Variants in STS observed in about 807,000 individuals in gnomAD.
The protein encoded by STS is steroid sulfatase.
In STS, 7 loss-of-function variants were observed where a neutral mutation model predicts 26.8. The ratio of observed to expected loss-of-function variants is 0.26; its 90% CI spans 0.15 to 0.49. The LOEUF is 0.49. STS is among the 20% of genes least tolerant of loss of function. The pLI, the probability that STS is intolerant of heterozygous loss-of-function variation, is 0.98. For synonymous variants in STS, 199 were observed against 189.4 expected, an observed-to-expected ratio of 1.05 and a Z score of -0.42; for missense variants, 434 against 465.6, an observed-to-expected ratio of 0.93 and a Z score of 0.63.
intron 2 of STS, among the ~76,000 whole-genome samples, chrX:7,234,534 G>T (rs139374827): frequency 0.041 from 4,644 of 112,034 alleles, 227 homozygotes; most frequent in African/African-American, 0.14. Flanking sequence ...ATATGGGAGA[G>T]TAGATGTTGG....
intron 2 of STS, chrX:7,252,476 A>C: frequency 7.2e-6 from 1 of 139,362 alleles, no homozygotes; most frequent in Non-Finnish European, 1.3e-5. Context: ...TCCGGTTCTA[A>C]ATGGAGAACC....
At chrX:7,201,270 TAGC>T (rs1163489397) in intron 2 of STS, among the ~76,000 whole-genome samples, 1 of 111,856 alleles carries the variant, frequency 8.9e-6, no homozygotes, top group African/African-American at 3.3e-5. Context: ...GATAGATAGA[TAGC>T]AGTTTCCATT....
At chrX:7,176,450 G>A (rs182999046) in intron 1 of STS, among the ~76,000 whole-genome samples, 121 of 111,967 alleles carry the variant, frequency 1.1e-3, no homozygotes, top group African/African-American at 3.6e-3. Flanking sequence ...TTTCCTTAGA[G>A]CATCCCAACC....
intron 8 of STS, among the ~76,000 whole-genome samples, chrX:7,320,152 A>T (rs900660000): frequency 2.1e-5 from 2 of 97,516 alleles, no homozygotes; most frequent in African/African-American, 7.4e-5. Context: ...ATATTTATAT[A>T]TTTTTTATTA....
chrX:7,257,401 T>C, intron 4 of STS, 38 bp downstream of exon 4: 1 of 1,212,021 alleles, frequency 8.3e-7, no homozygotes, highest in Non-Finnish European at 1.1e-6. Flanking sequence ...TGTGGTCACC[T>C]TCGGGACAGT....
At chrX:7,257,058 C>T (rs1923444865) in intron 3 of STS, among the ~76,000 whole-genome samples, 184 bp from the exon 4 acceptor site, 2 of 112,117 alleles carry the variant, frequency 1.8e-5, no homozygotes, top group South Asian at 7.4e-4. Context: ...TTGAGACCAG[C>T]CTGGCCAACA....
At chrX:7,324,353 G>C (rs1401926533) in intron 8 of STS, among the ~76,000 whole-genome samples, 1 of 110,644 alleles carries the variant, frequency 9.0e-6, no homozygotes, top group East Asian at 2.9e-4. Context: ...AGGCTTCAGA[G>C]AGAACAGATT....
intron 2 of STS, among the ~76,000 whole-genome samples, chrX:7,191,879 G>T (rs768535207): frequency 3.5e-5 from 4 of 112,849 alleles, no homozygotes; most frequent in Admixed American, 2.8e-4. Flanking sequence ...CCTGCAGGAA[G>T]AGCTCTTTTC....
At chrX:7,166,354 C>G in intron 1 of STS, among the ~76,000 whole-genome samples, 1 of 110,904 alleles carries the variant, frequency 9.0e-6, no homozygotes, top group Non-Finnish European at 1.9e-5. Flanking sequence ...TCTTTCAACC[C>G]TGTGAGGTAT....
chrX:7,257,056 A>G (rs1162408416), intron 3 of STS, among the ~76,000 whole-genome samples, 186 bp from the exon 4 acceptor site: 1 of 112,226 alleles, frequency 8.9e-6, no homozygotes, highest in Admixed American at 9.4e-5. Flanking sequence ...GTTTGAGACC[A>G]GCCTGGCCAA....
At chrX:7,240,517 GTGTGTGTGTGTGTGTGTATA>G (rs1922554571) in intron 2 of STS, among the ~76,000 whole-genome samples, 1 of 20,304 alleles carries the variant, frequency 4.9e-5, no homozygotes, top group Non-Finnish European at 1.0e-4. Context: ...GTGTGTGTGT[GTGTGTGTGTGTGTGTGTATA>G]TATATATATA....
rs189658122 is a variant in STS at position 7,301,501 on chromosome X, T to G, written c.944-3545T>G. Among the ~76,000 whole-genome samples the G allele has an allele frequency of 7.2e-5, 8 of 111,732 alleles. No individual in the cohort carries two copies. The East Asian group carries it at 2.3e-3, about 32-fold the overall frequency. On this transcript the variant is annotated intron_variant, in intron 7 of 10. Coordinates refer to ENST00000674429, the MANE Select transcript of STS (RefSeq NM_001320752.2). ...TCTCCCCTGCACATAGTTTCCTTATTATATATATTATGTATTCATGTGGTA... is the reference window on the plus strand; with the variant it reads ...TCTCCCCTGCACATAGTTTCCTTATGATATATATTATGTATTCATGTGGTA...
chrX:7,202,703 G>A (rs780336631), intron 2 of STS, among the ~76,000 whole-genome samples: 1 of 111,475 alleles, frequency 9.0e-6, no homozygotes, highest in South Asian at 3.8e-4. Context: ...CTGGTAACAT[G>A]TTCATTACTT....
intron 2 of STS, among the ~76,000 whole-genome samples, chrX:7,242,363 C>T (rs1922662257): frequency 9.1e-6 from 1 of 109,760 alleles, no homozygotes; most frequent in Non-Finnish European, 1.9e-5. Context: ...ACAACTATGG[C>T]CTCTTACTAT....
chrX:7,338,977 A>ACT (rs1297000008), intron 10 of STS, among the ~76,000 whole-genome samples: 1 of 112,216 alleles, frequency 8.9e-6, no homozygotes, highest in African/African-American at 3.2e-5. Flanking sequence ...TCTGAAAGAT[A>ACT]CCTTCATTTC....
At chrX:7,336,795 C>A (rs1928053171) in intron 10 of STS, among the ~76,000 whole-genome samples, 1 of 111,959 alleles carries the variant, frequency 8.9e-6, no homozygotes, top group Admixed American at 9.5e-5. Flanking sequence ...CTGAACCTTG[C>A]AAAATTGTAT....
intron 1 of STS, among the ~76,000 whole-genome samples, chrX:7,172,322 C>T (rs758011995): frequency 9.0e-6 from 1 of 110,974 alleles, no homozygotes; most frequent in African/African-American, 3.3e-5. Context: ...CTGGAAGCCC[C>T]CACGCCCCTC....
chrX:7,284,391 G>A (rs1439107558), intron 7 of STS, among the ~76,000 whole-genome samples: 2 of 111,678 alleles, frequency 1.8e-5, no homozygotes, highest in Admixed American at 9.5e-5. Flanking sequence ...AGTATTAAGA[G>A]CTAACTGCTG....
rs1211917943 is a variant in STS, at chrX:7,243,802, G to A, written c.-4-9394G>A. ...TCCCAGGCTGGGAGCTGTGTCTCACGCCTATAATCCCAGCACTTTGGGAGG... is the reference window on the plus strand; with the variant it reads ...TCCCAGGCTGGGAGCTGTGTCTCACACCTATAATCCCAGCACTTTGGGAGG... On this transcript the variant is annotated intron_variant, in intron 2 of 10. Transcript: ENST00000674429. Among the ~76,000 whole-genome samples, 2 of 111,507 alleles carry A rather than the reference G, an allele frequency of 1.8e-5. 1 individual carries two copies. The highest frequency in any genetic ancestry group is 3.8e-5 in the Non-Finnish European group (2 of 53,086).
Sources: gnomAD v4.1 joint callset for allele counts (sites outside exome capture counted in the v4.1 genomes callset) on GRCh38, gnomAD v4.1.1 for gene constraint, MANE v1.5 for transcripts, NCBI Gene and HGNC (gene_info 2026-07-23, HGNC 2026-07-21) for gene names.